The following MDGA2 variants were observed in gnomAD, a reference collection of about 807,000 sequenced individuals.
The protein encoded by MDGA2 is MAM domain containing glycosylphosphatidylinositol anchor 2, also known as MAM domain-containing glycosylphosphatidylinositol anchor protein 2.
MDGA2 carries 40 observed loss-of-function variants against 117.8 expected under a neutral mutation model. The observed-to-expected ratio is 0.34, with a 90% CI of 0.26 to 0.44. The LOEUF (loss-of-function observed/expected upper bound fraction) is 0.44. Among genes scored for constraint, MDGA2 ranks in the 20% least tolerant of loss-of-function variants. MDGA2 has a pLI of 1.00. For missense variants in MDGA2, 1,123 were observed against 1,250.6 expected (o/e 0.90, Z 1.54); for synonymous variants, 452 against 439.0 (o/e 1.03, Z -0.37).
At chr14:47,609,281 G>A (rs1186017642) in intron 1 of MDGA2, among the ~76,000 whole-genome samples, 1 of 150,144 alleles carries the variant, frequency 6.7e-6, no homozygotes, top group African/African-American at 2.4e-5. Flanking sequence ...CGTCCTCATA[G>A]CTTAGCTGAA....
chr14:47,480,867 T>C (rs1485874138), intron 1 of MDGA2, among the ~76,000 whole-genome samples: 1 of 151,900 alleles, frequency 6.6e-6, no homozygotes, highest in African/African-American at 2.4e-5. Context: ...TATAGAATGA[T>C]TATATGATTC....
intron 1 of MDGA2, among the ~76,000 whole-genome samples, chr14:47,515,091 G>T (rs904721354): frequency 6.6e-6 from 1 of 152,184 alleles, no homozygotes; most frequent in African/African-American, 2.4e-5. Flanking sequence ...GAGTAGAAAA[G>T]TGGCTCTGCC....
At chr14:47,396,310 T>A (rs897549004) in intron 1 of MDGA2, among the ~76,000 whole-genome samples, 2 of 152,132 alleles carry the variant, frequency 1.3e-5, no homozygotes, top group Non-Finnish European at 1.5e-5. Flanking sequence ...AAGATTTAAA[T>A]GTAAGACCTA....
intron 1 of MDGA2, among the ~76,000 whole-genome samples, chr14:47,425,702 T>G (rs1892673442): frequency 6.6e-6 from 1 of 152,150 alleles, no homozygotes; most frequent in African/African-American, 2.4e-5. Flanking sequence ...GATATACTAT[T>G]CCTGAGACAT....
intron 1 of MDGA2, among the ~76,000 whole-genome samples, chr14:47,381,890 G>A (rs554790165): frequency 6.6e-6 from 1 of 152,208 alleles, no homozygotes; most frequent in African/African-American, 2.4e-5. Flanking sequence ...CCAAAAAAGA[G>A]CCCACATTGC....
At chr14:47,651,393 T>G (rs1040859207) in intron 1 of MDGA2, among the ~76,000 whole-genome samples, 5 of 152,070 alleles carry the variant, frequency 3.3e-5, no homozygotes, top group Non-Finnish European at 7.4e-5. Context: ...TTCCGTGGGA[T>G]GAAATAAAAA....
chr14:46,969,234 G>C (rs1159802195), intron 8 of MDGA2, among the ~76,000 whole-genome samples: 2 of 152,156 alleles, frequency 1.3e-5, no homozygotes, highest in Non-Finnish European at 2.9e-5. Flanking sequence ...CTTTATAGCA[G>C]CATGATTTAT....
intron 1 of MDGA2, among the ~76,000 whole-genome samples, chr14:47,360,540 C>T (rs998870728): frequency 1.3e-5 from 2 of 151,944 alleles, no homozygotes; most frequent in Non-Finnish European, 2.9e-5. Context: ...CACTTTACAT[C>T]TGTCAGGAAT....
intron 1 of MDGA2, among the ~76,000 whole-genome samples, chr14:47,372,790 C>G (rs1427893730): frequency 6.6e-6 from 1 of 151,748 alleles, no homozygotes; most frequent in Non-Finnish European, 1.5e-5. Context: ...TGCAAAAAAA[C>G]TGGAGGGAAA....
intron 1 of MDGA2, among the ~76,000 whole-genome samples, chr14:47,597,308 A>ATTTTTTTTT (rs1896561594): frequency 6.6e-6 from 1 of 152,212 alleles, no homozygotes; most frequent in Admixed American, 6.5e-5. Context: ...ACTTTTAAAC[A>ATTTTTTTTT]AAATGAATAT....
chr14:47,282,588 T>G (rs1047284593), intron 2 of MDGA2, among the ~76,000 whole-genome samples: 1 of 151,602 alleles, frequency 6.6e-6, no homozygotes, highest in Non-Finnish European at 1.5e-5. Flanking sequence ...GTCCCAGCTA[T>G]TCGGGAGGCT....
At chr14:46,953,782 A>T (rs1289559307) in intron 9 of MDGA2, among the ~76,000 whole-genome samples, 1 of 152,044 alleles carries the variant, frequency 6.6e-6, no homozygotes, top group African/African-American at 2.4e-5. Flanking sequence ...TAACATCTTG[A>T]TTGCTAAATA....
chr14:47,658,693 G>A (rs80283809), intron 1 of MDGA2, among the ~76,000 whole-genome samples: 14,174 of 152,194 alleles, frequency 0.093, 679 homozygotes, highest in Non-Finnish European at 0.11. Context: ...CAACTTCCAA[G>A]AGTGTTACCT....
At chr14:47,289,179 A>C (rs1298416237) in intron 2 of MDGA2, among the ~76,000 whole-genome samples, 1 of 151,924 alleles carries the variant, frequency 6.6e-6, no homozygotes, top group Non-Finnish European at 1.5e-5. Flanking sequence ...TAATGTGCTA[A>C]CCAAAAGTGA....
At chr14:47,549,382 T>C (rs888685210) in intron 1 of MDGA2, among the ~76,000 whole-genome samples, 1 of 151,102 alleles carries the variant, frequency 6.6e-6, no homozygotes, top group Admixed American at 6.6e-5. Context: ...TGAAGAACAG[T>C]TTTTTTTGGA....
chr14:46,853,338 T>G (rs1480331759), intron 15 of MDGA2, among the ~76,000 whole-genome samples: 1 of 151,904 alleles, frequency 6.6e-6, no homozygotes, highest in Non-Finnish European at 1.5e-5. Context: ...GTATGTGTGA[T>G]TGAAATCTTC....
At chr14:47,125,286 T>G (rs1283702412) in intron 5 of MDGA2, among the ~76,000 whole-genome samples, 2 of 152,096 alleles carry the variant, frequency 1.3e-5, no homozygotes, top group African/African-American at 4.8e-5. Flanking sequence ...TGTATTTTGT[T>G]TCATGCCCAC....
At chr14:47,526,278 T>G (rs1008816743) in intron 1 of MDGA2, among the ~76,000 whole-genome samples, 6 of 152,346 alleles carry the variant, frequency 3.9e-5, no homozygotes, top group African/African-American at 1.4e-4. Context: ...AAATGAATAT[T>G]ATAAATAGTA....
At chr14:47,076,696 T>C (rs1250223136) in intron 6 of MDGA2, among the ~76,000 whole-genome samples, 1 of 152,064 alleles carries the variant, frequency 6.6e-6, no homozygotes, top group African/African-American at 2.4e-5. Context: ...ATATGAACCA[T>C]GCACCTTTAT....
Sources: gnomAD v4.1 joint callset for allele counts (sites outside exome capture counted in the v4.1 genomes callset) on GRCh38, gnomAD v4.1.1 for gene constraint, MANE v1.5 for transcripts, NCBI Gene and HGNC (gene_info 2026-07-23, HGNC 2026-07-21) for gene names.